CCSER1: variants seen among roughly 807,000 people sequenced by gnomAD.
CCSER1 encodes the protein coiled-coil serine rich protein 1, also known as serine-rich coiled-coil domain-containing protein 1.
CCSER1 carries 41 observed loss-of-function variants against 82.0 expected under a neutral mutation model. The observed-to-expected ratio is 0.50, with a 90% confidence interval of 0.39 to 0.65. The LOEUF is 0.65. Ranked by LOEUF, CCSER1 falls within the 30% of genes least tolerant of loss-of-function variation. The probability of loss-of-function intolerance (pLI) is 0.00; values close to 1 mark genes in which losing one functional copy is unlikely to be tolerated. For missense variants in CCSER1, 1,119 were observed against 1,064.2 expected (o/e 1.05, Z -0.72); for synonymous variants, 414 against 383.9 (o/e 1.08, Z -0.92).
intron 4 of CCSER1, among the ~76,000 whole-genome samples, chr4:90,412,971 GA>G (rs2153556152): frequency 6.7e-6 from 1 of 149,342 alleles, no homozygotes; most frequent in East Asian, 1.9e-4. Context: ...CAAGCTGTCA[GA>G]AATAAAGAGC....
intron 8 of CCSER1, among the ~76,000 whole-genome samples, chr4:90,914,593 G>A (rs1726992032): frequency 6.6e-6 from 1 of 151,252 alleles, no homozygotes; most frequent in African/African-American, 2.4e-5. Flanking sequence ...AACTAGAGAA[G>A]CAAGAGCAAA....
chr4:90,257,773 C>T (rs1021126928), intron 1 of CCSER1, among the ~76,000 whole-genome samples: 10 of 151,990 alleles, frequency 6.6e-5, no homozygotes, highest in African/African-American at 2.4e-4. Context: ...AGTCTGAAGA[C>T]AGGAGAATTT....
intron 1 of CCSER1, among the ~76,000 whole-genome samples, chr4:90,189,590 CG>C (rs1735250329): frequency 2.0e-5 from 3 of 151,506 alleles, no homozygotes; most frequent in Admixed American, 2.0e-4. Context: ...ACCATAGAGA[CG>C]TTGTGTTTAA....
chr4:91,273,343 G>A (rs1011918173), intron 10 of CCSER1, among the ~76,000 whole-genome samples: 2 of 151,594 alleles, frequency 1.3e-5, no homozygotes, highest in Non-Finnish European at 1.5e-5. Flanking sequence ...CTAAGTGTTT[G>A]TTTGTTTTTT....
chr4:90,293,581 T>A (rs533371803), intron 1 of CCSER1, among the ~76,000 whole-genome samples: 2 of 150,756 alleles, frequency 1.3e-5, no homozygotes, highest in Non-Finnish European at 3.0e-5. Context: ...TATAAACTTA[T>A]TTTTATTTTA....
At chr4:90,945,403 C>T (rs1037998522) in intron 9 of CCSER1, among the ~76,000 whole-genome samples, 4 of 152,062 alleles carry the variant, frequency 2.6e-5, no homozygotes, top group Admixed American at 2.6e-4. Context: ...ATACTATAGA[C>T]TTCATTACAT....
intron 6 of CCSER1, among the ~76,000 whole-genome samples, chr4:90,667,287 T>A (rs1731965181): frequency 6.6e-6 from 1 of 152,174 alleles, no homozygotes; most frequent in African/African-American, 2.4e-5. Context: ...TTAGTGGCCA[T>A]TTCATTGTGT....
At chr4:90,583,777 G>C (rs920948676) in intron 5 of CCSER1, among the ~76,000 whole-genome samples, 1 of 151,448 alleles carries the variant, frequency 6.6e-6, no homozygotes, top group Non-Finnish European at 1.5e-5. Context: ...AATCAACCAT[G>C]GATGAAAATA....
chr4:90,843,122 T>C (rs887248413), intron 8 of CCSER1, among the ~76,000 whole-genome samples: 2 of 152,170 alleles, frequency 1.3e-5, no homozygotes, highest in African/African-American at 2.4e-5. Flanking sequence ...TTGCATGACC[T>C]TGGGTAAGTT....
intron 4 of CCSER1, among the ~76,000 whole-genome samples, chr4:90,413,965 AAAAAAAAAAAAAAAAAATAT>A (rs1428897785): frequency 3.6e-5 from 4 of 111,062 alleles, no homozygotes; most frequent in African/African-American, 1.8e-4. Flanking sequence ...AAAAAAAAAA[AAAAAAAAAAAAAAAAAATAT>A]ATATATATAT....
intron 9 of CCSER1, among the ~76,000 whole-genome samples, chr4:91,063,796 T>C (rs1744146826): frequency 2.0e-5 from 3 of 152,128 alleles, no homozygotes; most frequent in Non-Finnish European, 4.4e-5. Context: ...ACAATTGAAT[T>C]TACTTGATCT....
chr4:91,531,275 T>TATGTGATTG (rs1316899263), intron 10 of CCSER1, among the ~76,000 whole-genome samples: 1 of 152,220 alleles, frequency 6.6e-6, no homozygotes, highest in East Asian at 1.9e-4. Flanking sequence ...TCAGAAGATC[T>TATGTGATTG]ATGTGATTGT....
At chr4:90,909,013 C>A (rs1352277828) in intron 8 of CCSER1, among the ~76,000 whole-genome samples, 1 of 152,096 alleles carries the variant, frequency 6.6e-6, no homozygotes, top group Non-Finnish European at 1.5e-5. Context: ...AAGATGTGGG[C>A]AGAGCCATAT....
chr4:90,550,161 TA>T (rs1777281654), intron 5 of CCSER1, among the ~76,000 whole-genome samples: 1 of 151,998 alleles, frequency 6.6e-6, no homozygotes, highest in Admixed American at 6.6e-5. Flanking sequence ...GAGCAAGGGG[TA>T]GTTATAAAGA....
intron 10 of CCSER1, among the ~76,000 whole-genome samples, chr4:91,414,638 C>G (rs571725696): frequency 5.7e-4 from 86 of 152,124 alleles, no homozygotes; most frequent in Admixed American, 2.4e-3. Flanking sequence ...AAGAATTTTA[C>G]AGTAGAAATC....
intron 5 of CCSER1, among the ~76,000 whole-genome samples, chr4:90,533,304 C>A (rs565232916): frequency 6.6e-6 from 1 of 151,966 alleles, no homozygotes; most frequent in Non-Finnish European, 1.5e-5. Context: ...ACCGTGTTAG[C>A]CAGGATGGTC....
chr4:91,359,322 C>A (rs1749092091), intron 10 of CCSER1, among the ~76,000 whole-genome samples: 1 of 151,752 alleles, frequency 6.6e-6, no homozygotes, highest in African/African-American at 2.4e-5. Context: ...GGCCTGGTTT[C>A]AGGCCTGGCG....
intron 10 of CCSER1, among the ~76,000 whole-genome samples, chr4:91,399,207 G>T (rs1752173358): frequency 6.6e-6 from 1 of 151,800 alleles, no homozygotes; most frequent in Non-Finnish European, 1.5e-5. Context: ...GAATGATCAT[G>T]CAAGACATGA....
chr4:90,349,304 G>T lies in CCSER1; in HGVS notation c.1509+36257G>T, dbSNP rs182153723. On this transcript the variant is annotated intron_variant, in intron 3 of 10. Coordinates refer to ENST00000509176, the MANE Select transcript of CCSER1 (RefSeq NM_001145065.2). ...GGTAAATACGTGGCAAAATAATTTT[G>T]AAACCTAGCCCTTGCATTTTAGATT... 2.9e-3 allele frequency among the ~76,000 whole-genome samples: 442 copies of T among 152,116 alleles called. 1 individual carries two copies. The highest frequency in any genetic ancestry group is 6.8e-3 in the Middle Eastern group (2 of 294).
Sources: allele counts gnomAD v4.1 joint callset (sites outside exome capture counted in the v4.1 genomes callset), GRCh38; gene constraint gnomAD v4.1.1; transcripts MANE v1.5; gene names NCBI Gene and HGNC (gene_info 2026-07-23, HGNC 2026-07-21).